NXPE4: variants seen among roughly 807,000 people sequenced by gnomAD.
NXPE4 encodes neurexophilin and PC-esterase domain family member 4, also known as NXPE family member 4.
A neutral mutation model predicts 33.3 loss-of-function variants in NXPE4; 42 were observed. The observed-to-expected ratio is 1.26, with a 90% CI of 0.98 to 1.63. The LOEUF (loss-of-function observed/expected upper bound fraction) is 1.63, where lower values mean the gene tolerates loss of function less well. NXPE4 is among the 40% of genes most tolerant of loss of function. NXPE4 has a pLI of 0.00. For missense variants in NXPE4, 709 were observed against 647.6 expected, an observed-to-expected ratio of 1.09 and a Z score of -1.03; for synonymous variants, 253 against 234.9, an observed-to-expected ratio of 1.08 and a Z score of -0.71.
At chr11:114,579,121 C>T (rs1053090140) in intron 5 of NXPE4, among the ~76,000 whole-genome samples, 12 of 152,100 alleles carry the variant, frequency 7.9e-5, no homozygotes, top group Admixed American at 5.9e-4. Context: ...CTGGTGAGGC[C>T]GGGAAGCTTT....
the NXPE4 span, among the ~76,000 whole-genome samples, chr11:114,647,070 G>A: frequency 6.6e-6 from 1 of 152,232 alleles, no homozygotes; most frequent in East Asian, 1.9e-4. Context: ...CTTGCAATGT[G>A]CCCTAAATCC....
At chr11:114,639,201 C>T in the NXPE4 span, among the ~76,000 whole-genome samples, 1 of 151,878 alleles carries the variant, frequency 6.6e-6, no homozygotes, top group Non-Finnish European at 1.5e-5. Flanking sequence ...CTCACTGCCG[C>T]CTTTCAGTTT....
chr11:114,607,850 G>C, the NXPE4 span, among the ~76,000 whole-genome samples: 4 of 151,504 alleles, frequency 2.6e-5, no homozygotes, highest in Non-Finnish European at 4.4e-5. Context: ...GTATTGCCTT[G>C]CAGGTAACCA....
At chr11:114,655,201 T>A in the NXPE4 span, among the ~76,000 whole-genome samples, 8 of 152,240 alleles carry the variant, frequency 5.3e-5, no homozygotes, top group African/African-American at 1.9e-4. Context: ...TATGTTTAAG[T>A]TCCTTGTAAA....
chr11:114,634,256 G>C, the NXPE4 span, among the ~76,000 whole-genome samples: 1 of 151,930 alleles, frequency 6.6e-6, no homozygotes, highest in Admixed American at 6.6e-5. Context: ...CTGCATAAAT[G>C]TCTTCTTTTG....
chr11:114,580,695 C>G (rs1268115938), intron 4 of NXPE4, among the ~76,000 whole-genome samples: 1 of 152,178 alleles, frequency 6.6e-6, no homozygotes, highest in Non-Finnish European at 1.5e-5. Context: ...TTTTAGCTCA[C>G]TTTACCCCTA....
chr11:114,663,586 C>CATCTATCTATCT, the NXPE4 span, among the ~76,000 whole-genome samples: 733 of 132,970 alleles, frequency 5.5e-3, 5 homozygotes, highest in Middle Eastern at 0.023. Context: ...CTCTATCTAT[C>CATCTATCTATCT]ATCTATCTAT....
the NXPE4 span, among the ~76,000 whole-genome samples, chr11:114,654,835 C>G: frequency 6.6e-6 from 1 of 152,068 alleles, no homozygotes; most frequent in Non-Finnish European, 1.5e-5. Context: ...GATATATACC[C>G]AGTAATGGGA....
At chr11:114,591,532 C>T (rs760600331) in intron 2 of NXPE4, among the ~76,000 whole-genome samples, 2 of 152,116 alleles carry the variant, frequency 1.3e-5, no homozygotes, top group Non-Finnish European at 2.9e-5. Context: ...CAACTTGAAG[C>T]CCCTCTAACC....
At chr11:114,663,584 A>G in the NXPE4 span, among the ~76,000 whole-genome samples, 8 of 139,522 alleles carry the variant, frequency 5.7e-5, no homozygotes, top group East Asian at 1.7e-3. Flanking sequence ...ATCTCTATCT[A>G]TCATCTATCT....
chr11:114,623,501 G>A, the NXPE4 span, among the ~76,000 whole-genome samples: 1 of 152,054 alleles, frequency 6.6e-6, no homozygotes, highest in Admixed American at 6.6e-5. Context: ...CTGTTACCCA[G>A]TGGATAATAA....
Position 114,582,392 on chromosome 11 carries a change from G to C in NXPE4, c.726C>G (p.Tyr242Ter). 1 of 1,614,206 alleles carries C rather than the reference G, an allele frequency of 6.2e-7. No individual in the cohort carries two copies. Among genetic ancestry groups the C allele is most frequent in the Non-Finnish European group, 8.5e-7 (1 of 1,180,008 alleles). ...AGGGCATGTGTTGAGGCCTCACACA[G>C]TAGAAGCCTTCTTGGTCTCTGTTGT... ...YLDNRDQEGF[Y>*]CVRPQHMPCA... Residue 242 changes from tyrosine to a stop codon, truncating the protein, a stop_gained, in exon 3 of 6, where the codon TAC becomes TAG. Transcript: ENST00000375478. LOFTEE classifies it high-confidence loss of function.
the NXPE4 span, among the ~76,000 whole-genome samples, chr11:114,643,104 GTTGT>G: frequency 1.1e-4 from 16 of 152,060 alleles, no homozygotes; most frequent in East Asian, 3.8e-4. Context: ...TTTTGATGGG[GTTGT>G]TTGTTTTTTT....
the NXPE4 span, among the ~76,000 whole-genome samples, chr11:114,613,661 G>T: frequency 3.3e-5 from 5 of 152,048 alleles, no homozygotes; most frequent in African/African-American, 1.2e-4. Context: ...GGTAACCACA[G>T]TTACCCAGTG....
the NXPE4 span, among the ~76,000 whole-genome samples, chr11:114,660,212 C>T: frequency 6.6e-6 from 1 of 151,878 alleles, no homozygotes; most frequent in Admixed American, 6.6e-5. Context: ...GTTTTATTTG[C>T]AAATTTGACC....
At chr11:114,663,299 T>C in the NXPE4 span, among the ~76,000 whole-genome samples, 1 of 152,172 alleles carries the variant, frequency 6.6e-6, no homozygotes, top group Non-Finnish European at 1.5e-5. Context: ...TTAATATCCA[T>C]TGTAGCCTCA....
At chr11:114,578,632 G>C (rs1356942182) in intron 5 of NXPE4, among the ~76,000 whole-genome samples, 1 of 152,162 alleles carries the variant, frequency 6.6e-6, no homozygotes, top group East Asian at 1.9e-4. Context: ...GAGATCATGA[G>C]TGGCCTCATT....
chr11:114,579,511 A>C (rs1182102777), intron 5 of NXPE4, among the ~76,000 whole-genome samples: 1 of 152,212 alleles, frequency 6.6e-6, no homozygotes, highest in Non-Finnish European at 1.5e-5. Flanking sequence ...CCCATGCTTT[A>C]CTTGTGTCTA....
the NXPE4 span, among the ~76,000 whole-genome samples, chr11:114,672,296 C>A: frequency 6.6e-6 from 1 of 151,768 alleles, no homozygotes; most frequent in Non-Finnish European, 1.5e-5. Flanking sequence ...ATCTACTGTG[C>A]AAGTTAATTG....
Sources: gnomAD v4.1 joint callset for allele counts (sites outside exome capture counted in the v4.1 genomes callset) on GRCh38, gnomAD v4.1.1 for gene constraint, MANE v1.5 for transcripts, NCBI Gene and HGNC (gene_info 2026-07-23, HGNC 2026-07-21) for gene names.